TRNAU1AP: variants seen among roughly 807,000 people sequenced by gnomAD.
TRNAU1AP encodes the protein tRNA selenocysteine 1 associated protein 1, also known as tRNA selenocysteine 1-associated protein 1.
A neutral mutation model predicts 43.3 loss-of-function variants in TRNAU1AP; 33 were observed. The observed-to-expected ratio is 0.76, with a 90% CI of 0.58 to 1.02. TRNAU1AP has a LOEUF of 1.02. TRNAU1AP is among the 50% of genes least tolerant of loss of function. TRNAU1AP has a pLI of 0.00. For synonymous variants in TRNAU1AP, 143 were observed against 129.1 expected (o/e 1.11, Z -0.73); for missense variants, 290 against 362.7 (o/e 0.80, Z 1.63).
intron 8 of TRNAU1AP, among the ~76,000 whole-genome samples, chr1:28,574,891 C>A (rs1665738895): frequency 1.3e-5 from 2 of 152,132 alleles, no homozygotes. Flanking sequence ...TGTGTCCTCT[C>A]ATGTGATGCC....
At chr1:28,573,563 G>A (rs913097222) in intron 8 of TRNAU1AP, among the ~76,000 whole-genome samples, 2 of 151,786 alleles carry the variant, frequency 1.3e-5, no homozygotes, top group African/African-American at 2.4e-5. Context: ...ACCTAAGGTC[G>A]GAAGTTCTAG....
Position 28,577,707 on chromosome 1 carries a change from C to T in TRNAU1AP, c.*71C>T, listed in dbSNP as rs930111215. 9 of 1,469,036 alleles carry T rather than the reference C, an allele frequency of 6.1e-6. No individual in the cohort carries two copies. The Admixed American group carries it at 6.8e-5, about 11-fold the overall frequency. 91.0% of individuals were successfully genotyped at this position (1,469,036 alleles called of 1,614,324 possible). A position where few individuals can be genotyped will look rare whatever the true frequency, so the allele number is the denominator to read the frequency against. ...AGACTCCTTTTTAAAAATTGTGAAA[C>T]CTTTTTGGAAATATGATTTGTAAGA... On this transcript the variant is annotated 3_prime_UTR_variant, in exon 9 of 9. Transcript: ENST00000373830.
intron 6 of TRNAU1AP, among the ~76,000 whole-genome samples, chr1:28,570,053 G>C (rs1665631085): frequency 1.3e-5 from 2 of 152,052 alleles, no homozygotes; most frequent in South Asian, 4.1e-4. Context: ...GCTCACGCCT[G>C]TAATCCCAAC....
At chr1:28,558,062 A>ATT (rs998976595) in intron 2 of TRNAU1AP, among the ~76,000 whole-genome samples, 34 of 122,104 alleles carry the variant, frequency 2.8e-4, no homozygotes, top group African/African-American at 7.5e-4. Context: ...TGCCTGGCTA[A>ATT]TTTTTTTTTT....
At position 28,561,391 on chromosome 1, in the gene TRNAU1AP, G is replaced by T. The variant is rs1250506255; in HGVS notation, c.271G>T (p.Asp91Tyr). Residue 91 changes from aspartate (D) to tyrosine (Y), a missense_variant, in exon 4 of 9, where the codon GAT becomes TAT. Asp to Tyr is a radical substitution (Grantham distance 160, BLOSUM62 -3). Around this residue, in one of 3 missense-constraint regions of TRNAU1AP, gnomAD observed 174 missense variants for 262.1 expected, o/e 0.66. Coordinates refer to ENST00000373830, the MANE Select transcript of TRNAU1AP (RefSeq NM_017846.5). ...CTATGCCACTTACGGGAAACAACCAGATAACAGGTAGGTACAAAGTCATGT... is the reference window on the plus strand; with the variant it reads ...CTATGCCACTTACGGGAAACAACCATATAACAGGTAGGTACAAAGTCATGT... ...LNYATYGKQP[D>Y]NSPEYSLFVG... The T allele has an allele frequency of 2.5e-6, 4 of 1,613,972 alleles. No homozygotes were observed. Among genetic ancestry groups the T allele is most frequent in the Non-Finnish European group, 3.4e-6 (4 of 1,180,008 alleles).
chr1:28,573,290 A>G (rs1279659412), intron 8 of TRNAU1AP, among the ~76,000 whole-genome samples: 1 of 148,150 alleles, frequency 6.7e-6, no homozygotes, highest in Non-Finnish European at 1.5e-5. Flanking sequence ...TCGCCTCCCA[A>G]AGTGCTGGGA....
chr1:28,571,104 A>G (rs1665653000), intron 6 of TRNAU1AP, 72 bp from the exon 7 acceptor site: 2 of 1,453,338 alleles, frequency 1.4e-6, no homozygotes, highest in African/African-American at 1.4e-5. Flanking sequence ...CACTTAAAAT[A>G]GTCTGTGGCC....
intron 8 of TRNAU1AP, among the ~76,000 whole-genome samples, chr1:28,576,851 G>T (rs964059956): frequency 1.3e-5 from 2 of 152,138 alleles, no homozygotes; most frequent in Non-Finnish European, 2.9e-5. Context: ...TGCCCGCCTC[G>T]ACCTGCTGAA....
At chr1:28,561,185 G>T in intron 3 of TRNAU1AP, 161 bp from the exon 4 acceptor site, 1 of 1,454,498 alleles carries the variant, frequency 6.9e-7, no homozygotes, top group Non-Finnish European at 9.0e-7. Context: ...TGCCCTTAGC[G>T]GTCATCCGTG....
intron 4 of TRNAU1AP, among the ~76,000 whole-genome samples, chr1:28,562,563 T>C (rs1377174289): frequency 6.6e-6 from 1 of 151,986 alleles, no homozygotes; most frequent in Non-Finnish European, 1.5e-5. Context: ...ATAGCAATTT[T>C]ATTTTTCTTT....
intron 8 of TRNAU1AP, 80 bp downstream of exon 8, chr1:28,571,980 G>A: frequency 8.0e-7 from 1 of 1,243,170 alleles, no homozygotes; most frequent in South Asian, 1.2e-5. Context: ...CAGCTAGAGG[G>A]AAGACAAGAT....
In TRNAU1AP at chr1:28,553,645, A is replaced by G. The variant is rs371984751; in HGVS notation, c.33A>G (p.Glu11=). ...GTGCTCTTGTTTTTACGCAGCTGGA[A>G]CCCTACATGGATGAGAACTTCATCT... MAASLWMGDL[E]PYMDENFISR... Residue 11 remains glutamate, a synonymous_variant, in exon 2 of 9, where the codon GAA becomes GAG. Coordinates refer to ENST00000373830, the MANE Select transcript of TRNAU1AP (RefSeq NM_017846.5). The G allele has an allele frequency of 5.0e-6, 8 of 1,613,744 alleles. No homozygotes were observed. In the African/African-American group the frequency reaches 1.1e-4, roughly 22 times the overall value.
At chr1:28,570,683 G>C (rs979320538) in intron 6 of TRNAU1AP, among the ~76,000 whole-genome samples, 1 of 151,936 alleles carries the variant, frequency 6.6e-6, no homozygotes, top group Non-Finnish European at 1.5e-5. Flanking sequence ...TCTCATATTA[G>C]CTGTGTGACT....
At chr1:28,554,206 A>G (rs1288766836) in intron 2 of TRNAU1AP, among the ~76,000 whole-genome samples, 1 of 145,300 alleles carries the variant, frequency 6.9e-6, no homozygotes, top group African/African-American at 2.8e-5. Flanking sequence ...CTCAAAAAAA[A>G]AAAAAACAAA....
chr1:28,561,246 G>A lies in TRNAU1AP; in HGVS notation c.226-100G>A, dbSNP rs984574489. The A allele has an allele frequency of 1.9e-6, 3 of 1,541,310 alleles. No homozygotes were observed. In the African/African-American group the frequency reaches 4.1e-5, roughly 21 times the overall value. On this transcript the variant is annotated intron_variant, in intron 3 of 8. Coordinates refer to ENST00000373830, the MANE Select transcript of TRNAU1AP (RefSeq NM_017846.5). Reference sequence around the variant, plus strand: ...AAAAGCTGAGGCTTAGAGAGGGGGAGATGTTTTGGCCAAGGTAATTTATTT... The same window carrying A: ...AAAAGCTGAGGCTTAGAGAGGGGGAAATGTTTTGGCCAAGGTAATTTATTT...
intron 8 of TRNAU1AP, among the ~76,000 whole-genome samples, chr1:28,573,911 T>C (rs1665716791): frequency 6.6e-6 from 1 of 151,458 alleles, no homozygotes; most frequent in Non-Finnish European, 1.5e-5. Context: ...CAGTCCATCC[T>C]GGGTGACGAG....
chr1:28,563,410 T>C (rs1361921240), intron 4 of TRNAU1AP, among the ~76,000 whole-genome samples: 3 of 151,590 alleles, frequency 2.0e-5, no homozygotes, highest in African/African-American at 7.3e-5. Flanking sequence ...TGGCTGGGCG[T>C]GGTGGCTTAC....
chr1:28,554,874 C>T (rs1015909509), intron 2 of TRNAU1AP, among the ~76,000 whole-genome samples: 2 of 150,100 alleles, frequency 1.3e-5, no homozygotes, highest in African/African-American at 4.9e-5. Context: ...TAATAAATAA[C>T]AAGTCAGGAC....
intron 8 of TRNAU1AP, among the ~76,000 whole-genome samples, chr1:28,574,077 CTTTTTTTT>C (rs1178078009): frequency 8.1e-6 from 1 of 124,156 alleles, no homozygotes; most frequent in African/African-American, 3.1e-5. Flanking sequence ...GACCCCATCT[CTTTTTTTT>C]TTTTTTTTTT....
Sources: gnomAD v4.1 joint callset for allele counts (sites outside exome capture counted in the v4.1 genomes callset) on GRCh38, gnomAD v4.1.1 for gene constraint, gnomAD v4.1.1 regional missense constraint, MANE v1.5 for transcripts, NCBI Gene and HGNC (gene_info 2026-07-23, HGNC 2026-07-21) for gene names.